The following DCTN4 variants were observed in gnomAD, a reference collection of about 807,000 sequenced individuals.
DCTN4 encodes dynactin subunit 4, also known as dynactin 4 (p62).
A neutral mutation model predicts 62.7 loss-of-function variants in DCTN4; 23 were observed. The ratio of observed to expected loss-of-function variants is 0.37; its 90% CI spans 0.26 to 0.52. The LOEUF (loss-of-function observed/expected upper bound fraction) is 0.52. DCTN4 is among the 20% of genes least tolerant of loss of function. The pLI, the probability that DCTN4 is intolerant of heterozygous loss-of-function variation, is 0.92. For synonymous variants in DCTN4, 199 were observed against 202.1 expected, an observed-to-expected ratio of 0.98 and a Z score of 0.13; for missense variants, 514 against 580.4, an observed-to-expected ratio of 0.89 and a Z score of 1.18.
chr5:150,731,894 G>T, intron 5 of DCTN4: 1 of 1,551,656 alleles, frequency 6.4e-7, no homozygotes, highest in South Asian at 1.2e-5. Flanking sequence ...ACCACTACAT[G>T]AATAGTATGT....
At chr5:150,720,231 G>A (rs1561690698) in intron 9 of DCTN4, among the ~76,000 whole-genome samples, 1 of 152,120 alleles carries the variant, frequency 6.6e-6, no homozygotes, top group Non-Finnish European at 1.5e-5. Context: ...GAAATCTATT[G>A]CAGAAACATT....
chr5:150,732,022 T>A, intron 5 of DCTN4: 1 of 880,864 alleles, frequency 1.1e-6, no homozygotes, highest in Non-Finnish European at 1.9e-6. Context: ...ATAATTCATT[T>A]AATTCAAATT....
intron 3 of DCTN4, among the ~76,000 whole-genome samples, chr5:150,750,924 C>T (rs1015283160): frequency 1.4e-4 from 21 of 152,030 alleles, no homozygotes; most frequent in African/African-American, 4.6e-4. Context: ...ACAAAAAGGA[C>T]GCAATTACCT....
At chr5:150,721,040 T>G (rs1759939781) in intron 9 of DCTN4, among the ~76,000 whole-genome samples, 1 of 152,158 alleles carries the variant, frequency 6.6e-6, no homozygotes, top group South Asian at 2.1e-4. Context: ...GCAAACATAA[T>G]TACTCATTTG....
chr5:150,731,534 C>T, intron 5 of DCTN4, 45 bp from the exon 6 acceptor site: 7 of 1,482,836 alleles, frequency 4.7e-6, no homozygotes, highest in Non-Finnish European at 5.6e-6. Flanking sequence ...CACTTTTACA[C>T]ACCCTATTTA....
At chr5:150,752,702 A>G (rs1172154637) in intron 3 of DCTN4, among the ~76,000 whole-genome samples, 1 of 152,122 alleles carries the variant, frequency 6.6e-6, no homozygotes, top group African/African-American at 2.4e-5. Flanking sequence ...ATATTCATTG[A>G]CCATTTTTAT....
chr5:150,740,121 G>A (rs1238339885), intron 4 of DCTN4, among the ~76,000 whole-genome samples: 1 of 152,088 alleles, frequency 6.6e-6, no homozygotes, highest in Non-Finnish European at 1.5e-5. Flanking sequence ...ATAATCAGCA[G>A]ACTAAAAAGA....
chr5:150,750,954 T>C (rs145646711), intron 3 of DCTN4, among the ~76,000 whole-genome samples: 2 of 152,292 alleles, frequency 1.3e-5, no homozygotes, highest in Non-Finnish European at 2.9e-5. Context: ...TGACATTGTA[T>C]CCTCTTGCAA....
intron 3 of DCTN4, among the ~76,000 whole-genome samples, chr5:150,752,462 A>G (rs1752711085): frequency 1.3e-5 from 2 of 152,194 alleles, no homozygotes; most frequent in Admixed American, 1.3e-4. Flanking sequence ...ATGCTCCAGG[A>G]CAGACATTTG....
intron 12 of DCTN4, among the ~76,000 whole-genome samples, chr5:150,712,384 C>A (rs1324436796): frequency 1.3e-5 from 2 of 152,056 alleles, no homozygotes; most frequent in Admixed American, 1.3e-4. Flanking sequence ...CCCGCCTCAG[C>A]CTCCCAAAGT....
intron 1 of DCTN4, chr5:150,758,566 T>C (rs949832922): frequency 8.9e-5 from 101 of 1,137,450 alleles, no homozygotes; most frequent in Non-Finnish European, 1.1e-4. Context: ...CAGACCTTTC[T>C]CCGTAGTCCA....
At chr5:150,733,742 C>A (rs938556557) in intron 4 of DCTN4, 2 of 299,098 alleles carry the variant, frequency 6.7e-6, no homozygotes, top group East Asian at 6.5e-5. Context: ...CTTATTTCCC[C>A]TCACAACTGC....
rs1439275266 is a variant in DCTN4, at chr5:150,710,348, T to G, written c.*801A>C. 1 of 152,314 alleles carries G rather than the reference T, an allele frequency of 6.6e-6. No homozygotes were observed. The highest frequency in any genetic ancestry group is 1.5e-5 in the Non-Finnish European group (1 of 68,038). The allele number at this position is 152,314 out of a possible 1,614,324, so 9.4% of individuals were successfully genotyped here. ...GGTAGGAAGTAAGACAAATAAAGAT[T>G]GCCCCCCTGTGGCAGCATTAATCCC... On this transcript the variant is annotated 3_prime_UTR_variant, in exon 13 of 13. Coordinates refer to ENST00000447998, the MANE Select transcript of DCTN4 (RefSeq NM_016221.4).
intron 1 of DCTN4, among the ~76,000 whole-genome samples, chr5:150,757,567 A>G (rs1036266619): frequency 6.6e-6 from 1 of 152,186 alleles, no homozygotes; most frequent in Non-Finnish European, 1.5e-5. Flanking sequence ...TCTATTCACC[A>G]CAGGAGAATA....
chr5:150,758,835 C>G (rs754778463), intron 1 of DCTN4, 24 bp downstream of exon 1: 2 of 1,608,978 alleles, frequency 1.2e-6, no homozygotes, highest in East Asian at 2.2e-5. Context: ...ACCCCACATA[C>G]TCGCTATAGG....
intron 3 of DCTN4, among the ~76,000 whole-genome samples, chr5:150,744,858 G>A (rs369538364): frequency 1.3e-5 from 2 of 151,714 alleles, no homozygotes; most frequent in African/African-American, 2.4e-5. Context: ...AAAGACCATC[G>A]AGACTAGGAA....
At chr5:150,755,505 T>C (rs1752828271) in intron 2 of DCTN4, 1 of 456,314 alleles carries the variant, frequency 2.2e-6, no homozygotes, top group East Asian at 6.9e-5. Flanking sequence ...ACCCTTGATA[T>C]GATGTAATCA....
At chr5:150,744,295 A>G (rs1760877972) in intron 3 of DCTN4, among the ~76,000 whole-genome samples, 2 of 152,080 alleles carry the variant, frequency 1.3e-5, no homozygotes, top group African/African-American at 4.8e-5. Flanking sequence ...CTATGTGAAA[A>G]GACCAAATCT....
intron 2 of DCTN4, 77 bp downstream of exon 2, chr5:150,756,340 A>G (rs1752862193): frequency 1.1e-5 from 12 of 1,051,294 alleles, no homozygotes; most frequent in Non-Finnish European, 1.7e-5. Context: ...TGCCTGGCCC[A>G]TGTGTCTTTT....
Sources: gnomAD v4.1 joint callset for allele counts (sites outside exome capture counted in the v4.1 genomes callset) on GRCh38, gnomAD v4.1.1 for gene constraint, MANE v1.5 for transcripts, NCBI Gene and HGNC (gene_info 2026-07-23, HGNC 2026-07-21) for gene names.